CYTH3: variants seen among roughly 807,000 people sequenced by gnomAD.
CYTH3 encodes cytohesin 3.
Under a neutral mutation model 55.1 loss-of-function variants are expected in CYTH3, and 23 were observed. The ratio of observed to expected loss-of-function variants is 0.42; its 90% CI spans 0.30 to 0.59. The LOEUF (loss-of-function observed/expected upper bound fraction) is 0.59. CYTH3 is among the 20% of genes least tolerant of loss of function. The probability of loss-of-function intolerance (pLI) is 0.20; values close to 1 mark genes in which losing one functional copy is unlikely to be tolerated. For missense variants in CYTH3, 413 were observed against 524.8 expected (o/e 0.79, Z 2.08); for synonymous variants, 249 against 194.9 (o/e 1.28, Z -2.31).
Position 6,171,000 on chromosome 7 carries a change from G to T in CYTH3, c.563-22C>A. On this transcript the variant is annotated intron_variant, in intron 7 of 12. Coordinates refer to ENST00000350796, the MANE Select transcript of CYTH3 (RefSeq NM_004227.4). This position sits in a 1 kb window ranked among gnomAD's most constrained non-coding sequence, Gnocchi z 7.8. ...GTGTCTGCAACGAGTCCGGGGTGCT[G>T]GGCTCAGCCAGAACCTCCAGTGGAC... The T allele has an allele frequency of 6.2e-7, 1 of 1,612,980 alleles. No homozygotes were observed. Among genetic ancestry groups the T allele is most frequent in the Non-Finnish European group, 8.5e-7 (1 of 1,179,700 alleles).
chr7:6,211,771 G>A (rs1429662284), intron 1 of CYTH3, among the ~76,000 whole-genome samples: 2 of 152,128 alleles, frequency 1.3e-5, no homozygotes, highest in African/African-American at 4.8e-5. Context: ...GCTGAGGCGG[G>A]TGGACCACTG....
rs1783776002 is a variant in CYTH3, at chr7:6,190,520, G to C, written c.46C>G (p.Leu16Val). The change falls in exon 2 of 13, where the codon CTC becomes GTC. Residue 16 changes from leucine to valine, a missense_variant. Physicochemically the swap from Leu to Val is conservative, Grantham distance 32 (BLOSUM62 1). Around this residue, in one of 4 missense-constraint regions of CYTH3, gnomAD observed 152 missense variants for 148.1 expected, o/e 1.03. Coordinates refer to ENST00000350796, the MANE Select transcript of CYTH3 (RefSeq NM_004227.4). ...GGEGGGVPED[L>V]SLEEREELLD... ...AGTTCTTCTCTCTCTTCTAATGAGA[G>C]GTCTTCAGGCACTGAAAGAAGAAAA... The C allele has an allele frequency of 6.6e-7, 1 of 1,514,754 alleles. No individual in the cohort carries two copies. Among genetic ancestry groups the C allele is most frequent in the Non-Finnish European group, 8.8e-7 (1 of 1,140,350 alleles). The allele number at this position is 1,514,754 out of a possible 1,614,324, so 93.8% of individuals were successfully genotyped here. A position where few individuals can be genotyped will look rare whatever the true frequency, so the allele number is the denominator to read the frequency against.
At chr7:6,214,961 T>C (rs1583168749) in intron 1 of CYTH3, among the ~76,000 whole-genome samples, 1 of 150,490 alleles carries the variant, frequency 6.6e-6, no homozygotes, top group Non-Finnish European at 1.5e-5. Context: ...AAGAGTAAGG[T>C]TATTTTGGTA....
In CYTH3 at chr7:6,163,271, G is replaced by A. The variant is rs1397061629; in HGVS notation, c.*1673C>T. On this transcript the variant is annotated 3_prime_UTR_variant, in exon 13 of 13. Transcript: ENST00000350796. The stretch of plus-strand genomic sequence containing the variant: ...AAGAACAGTCTCCGCTGCTGAGAAG[G>A]AAACCTAGGTGCACAAAGTCTGAGG... 6 of 152,338 alleles carry A rather than the reference G, an allele frequency of 3.9e-5. No homozygotes were observed. Among genetic ancestry groups the A allele is most frequent in the Admixed American group, 3.9e-4 (6 of 15,292 alleles). 9.4% of individuals were successfully genotyped at this position (152,338 alleles called of 1,614,324 possible). A position where few individuals can be genotyped will look rare whatever the true frequency, so the allele number is the denominator to read the frequency against.
chr7:6,219,453 G>A (rs1469493065), intron 1 of CYTH3, among the ~76,000 whole-genome samples: 1 of 152,194 alleles, frequency 6.6e-6, no homozygotes, highest in African/African-American at 2.4e-5. Context: ...GAGATTCACT[G>A]GCAGGAAAAA....
intron 5 of CYTH3, among the ~76,000 whole-genome samples, chr7:6,174,899 C>T (rs1783305151): frequency 6.6e-6 from 1 of 152,082 alleles, no homozygotes; most frequent in African/African-American, 2.4e-5. Context: ...AGCATTTTTT[C>T]CTGTGCTTAT....
chr7:6,197,500 T>C (rs1483938102), intron 1 of CYTH3, among the ~76,000 whole-genome samples: 1 of 152,144 alleles, frequency 6.6e-6, no homozygotes, highest in Admixed American at 6.5e-5. Flanking sequence ...CTGGCCAATA[T>C]GATGAAATCC....
chr7:6,211,829 T>C (rs941459073), intron 1 of CYTH3, among the ~76,000 whole-genome samples: 3 of 151,818 alleles, frequency 2.0e-5, no homozygotes, highest in Admixed American at 1.3e-4. Context: ...CTACTAAAAA[T>C]ACAAAAATTA....
chr7:6,179,921 CCACACACACA>C (rs746252535), intron 4 of CYTH3, among the ~76,000 whole-genome samples: 44 of 141,850 alleles, frequency 3.1e-4, no homozygotes, highest in African/African-American at 1.1e-3. Flanking sequence ...CACACACAAA[CCACACACACA>C]CACACACACA....
At chr7:6,185,815 C>T (rs1445306259) in intron 4 of CYTH3, among the ~76,000 whole-genome samples, 1 of 152,084 alleles carries the variant, frequency 6.6e-6, no homozygotes, top group Admixed American at 6.5e-5. Flanking sequence ...TGCAACTGCA[C>T]CTGCACTTAT....
chr7:6,239,567 G>A (rs573631285), intron 1 of CYTH3, among the ~76,000 whole-genome samples: 1 of 152,124 alleles, frequency 6.6e-6, no homozygotes, highest in African/African-American at 2.4e-5. Context: ...TTAGAAAAGA[G>A]GAGATAAAAC....
chr7:6,250,518 G>A (rs545787020), intron 1 of CYTH3, among the ~76,000 whole-genome samples: 23 of 152,230 alleles, frequency 1.5e-4, no homozygotes, highest in South Asian at 8.3e-4. Context: ...ACACTGAATC[G>A]AGCTGCAACA....
At position 6,169,030 on chromosome 7, in the gene CYTH3, C is replaced by T. The variant is rs1425866266; in HGVS notation, c.823+1505G>A. ...ATTTGAATCGGGTCTCTCAGGCACC[C>T]GAGCCAAAGACCATGGTACTAGGTT... is the stretch of plus-strand genomic sequence containing the variant. On this transcript the variant is annotated intron_variant, in intron 9 of 12. Transcript: ENST00000350796. This position sits in a 1 kb window ranked among gnomAD's most constrained non-coding sequence, Gnocchi z 4.1. Among the ~76,000 whole-genome samples, 9 of 152,154 alleles carry T rather than the reference C, an allele frequency of 5.9e-5. No homozygotes were observed. The highest frequency in any genetic ancestry group is 2.1e-4 in the South Asian group (1 of 4,818).
At chr7:6,210,435 C>A (rs986322255) in intron 1 of CYTH3, among the ~76,000 whole-genome samples, 1 of 152,200 alleles carries the variant, frequency 6.6e-6, no homozygotes, top group Non-Finnish European at 1.5e-5. Flanking sequence ...GATTCCTTAT[C>A]AAATTTCAAA....
At chr7:6,195,722 A>G (rs183037050) in intron 1 of CYTH3, among the ~76,000 whole-genome samples, 421 of 152,300 alleles carry the variant, frequency 2.8e-3, no homozygotes, top group African/African-American at 9.7e-3. Context: ...GGTCATCTCC[A>G]TTAAACCCCC....
At chr7:6,217,447 G>C (rs1784453167) in intron 1 of CYTH3, among the ~76,000 whole-genome samples, 2 of 152,100 alleles carry the variant, frequency 1.3e-5, no homozygotes, top group African/African-American at 4.8e-5. Flanking sequence ...AACAGCTACA[G>C]TAAACTTCAG....
intron 1 of CYTH3, among the ~76,000 whole-genome samples, chr7:6,264,264 A>C (rs1780427710): frequency 6.6e-6 from 1 of 152,004 alleles, no homozygotes; most frequent in South Asian, 2.1e-4. Context: ...AAAAAAAACA[A>C]AAAGGAGACC....
chr7:6,209,382 A>T (rs1784272306), intron 1 of CYTH3, among the ~76,000 whole-genome samples: 1 of 152,260 alleles, frequency 6.6e-6, no homozygotes, highest in Non-Finnish European at 1.5e-5. Flanking sequence ...AGTAATAGAC[A>T]TTGAGACTTT....
chr7:6,229,374 G>C (rs1779329371), intron 1 of CYTH3, among the ~76,000 whole-genome samples: 2 of 152,168 alleles, frequency 1.3e-5, no homozygotes, highest in South Asian at 4.1e-4. Flanking sequence ...GAGACACACA[G>C]AATGAAGAAA....
Sources: gnomAD v4.1 joint callset for allele counts (sites outside exome capture counted in the v4.1 genomes callset) on GRCh38, gnomAD v4.1.1 for gene constraint, gnomAD v4.1.1 regional missense constraint, Gnocchi (gnomAD v3.1) non-coding constraint, MANE v1.5 for transcripts, NCBI Gene and HGNC (gene_info 2026-07-23, HGNC 2026-07-21) for gene names.